FBLN1: variants seen among roughly 807,000 people sequenced by gnomAD.
The protein encoded by FBLN1 is fibulin 1.
Under a neutral mutation model 89.7 loss-of-function variants are expected in FBLN1, and 34 were observed. That is an observed-to-expected ratio of 0.38 (90% CI 0.29 to 0.50). FBLN1 has a LOEUF of 0.50. FBLN1 is among the 20% of genes least tolerant of loss of function. FBLN1 has a pLI of 0.92. For synonymous variants in FBLN1, 393 were observed against 391.3 expected, an observed-to-expected ratio of 1.00 and a Z score of -0.05; for missense variants, 777 against 988.1, an observed-to-expected ratio of 0.79 and a Z score of 2.86.
chr22:45,528,635 G>A (rs1462125717), intron 4 of FBLN1, among the ~76,000 whole-genome samples: 1 of 152,132 alleles, frequency 6.6e-6, no homozygotes, highest in East Asian at 1.9e-4. Context: ...GTGAGCCATC[G>A]TGCCTGGCCA....
At chr22:45,570,350 G>GAAAAAAAAAAAAAAAAAAAAAAAA (rs2088942165) in intron 14 of FBLN1, among the ~76,000 whole-genome samples, 2 of 69,218 alleles carry the variant, frequency 2.9e-5, no homozygotes, top group Non-Finnish European at 5.7e-5. Flanking sequence ...GAAAAGAAAA[G>GAAAAAAAAAAAAAAAAAAAAAAAA]AAAAGAAAAA....
Position 45,557,369 on chromosome 22 carries a change from A to G in FBLN1, c.1697+6754A>G, listed in dbSNP as rs11912454. 0.036 allele frequency among the ~76,000 whole-genome samples: 5,520 copies of G among 152,284 alleles called. 336 individuals are homozygous for G. The highest frequency in any genetic ancestry group is 0.13 in the African/African-American group (5,239 of 41,528). ...ATTTCCATGATGGAAGAGGTCCAGT[A>G]TAATCAACCTGCCACCAGGTAGCTG... On this transcript the variant is annotated intron_variant, in intron 14 of 16. Transcript: ENST00000327858. The surrounding 1 kb of genome is among the most constrained non-coding windows in gnomAD (Gnocchi z 4.9).
At chr22:45,592,079 G>T (rs1458421101) in intron 16 of FBLN1, among the ~76,000 whole-genome samples, 1 of 152,210 alleles carries the variant, frequency 6.6e-6, no homozygotes, top group East Asian at 1.9e-4. Context: ...GTCAGTCCCC[G>T]CTGGACGGAA....
rs2088584871 is a variant in FBLN1, at chr22:45,543,462, G to A, written c.1257G>A (p.Leu419=). 2 of 1,613,840 alleles carry A rather than the reference G, an allele frequency of 1.2e-6. No homozygotes were observed. Among genetic ancestry groups the A allele is most frequent in the Non-Finnish European group, 1.7e-6 (2 of 1,180,006 alleles). Residue 419 remains leucine (L), a synonymous_variant, in exon 11 of 17, where the codon CTG becomes CTA. Transcript: ENST00000327858. ...GTGGCCACAAGTGCGAGAACACGCT[G>A]GGCTCCTACCTCTGCAGCTGTTCCG... ...RLCGHKCENT[L]GSYLCSCSVG...
Position 45,572,454 on chromosome 22 carries a change from G to C in FBLN1, c.1698-2057G>C, listed in dbSNP as rs575977058. ...TTTTTTTTTCCCCAAAAATCCTTTG[G>C]AGAATGATAGCACACTAGTTAGCTT... On this transcript the variant is annotated intron_variant, in intron 14 of 16. Coordinates refer to ENST00000327858, the MANE Select transcript of FBLN1 (RefSeq NM_006486.3). The surrounding 1 kb of genome is among the most constrained non-coding windows in gnomAD (Gnocchi z 5.8). Among the ~76,000 whole-genome samples the C allele has an allele frequency of 4.0e-3, 609 of 152,282 alleles. 4 individuals are homozygous for C. The highest frequency in any genetic ancestry group is 0.014 in the African/African-American group (593 of 41,550).
intron 14 of FBLN1, chr22:45,565,141 C>T (rs751388805): frequency 1.5e-5 from 23 of 1,579,470 alleles, no homozygotes; most frequent in African/African-American, 2.7e-5. Context: ...GCACCAGCCT[C>T]GAGTCTCCCA....
intron 14 of FBLN1, among the ~76,000 whole-genome samples, chr22:45,552,253 A>G (rs560601386): frequency 6.6e-6 from 1 of 152,236 alleles, no homozygotes; most frequent in African/African-American, 2.4e-5. Flanking sequence ...GGAGTGGGCC[A>G]TGCCTGCATG....
In FBLN1 at chr22:45,562,370, G is replaced by A. The variant is rs111596017; in HGVS notation, c.1697+11755G>A. On this transcript the variant is annotated intron_variant, in intron 14 of 16. Transcript: ENST00000327858. This position sits in a 1 kb window ranked among gnomAD's most constrained non-coding sequence, Gnocchi z 7.8. ...AGTGGGAAGGCCACATTCTCTCTGA[G>A]CCTCAGTGTCCTCATGTGAAAAATA... 1.3e-5 allele frequency among the ~76,000 whole-genome samples: 2 copies of A among 152,240 alleles called. No homozygotes were observed. Among genetic ancestry groups the A allele is most frequent in the Admixed American group, 6.5e-5 (1 of 15,290 alleles).
intron 14 of FBLN1, chr22:45,565,262 A>G: frequency 7.4e-7 from 1 of 1,360,292 alleles, no homozygotes. Context: ...TTCCCAGCAG[A>G]TGAAGCATAG....
At position 45,562,866 on chromosome 22, in the gene FBLN1, A is replaced by T. The variant is rs765582573; in HGVS notation, c.1698-11645A>T. 1.8e-5 allele frequency: 29 copies of T among 1,581,370 alleles called. No individual in the cohort carries two copies. The South Asian group carries it at 3.1e-4, about 17-fold the overall frequency. On this transcript the variant is annotated intron_variant, in intron 14 of 16. Transcript: ENST00000327858. The surrounding 1 kb of genome is among the most constrained non-coding windows in gnomAD (Gnocchi z 7.8). ...GCTCTGCCGTTTCTCCGCTTGCTGG[A>T]CCGGCCCTAACCCTCTTCTTGTCTC...
intron 14 of FBLN1, among the ~76,000 whole-genome samples, chr22:45,555,248 C>CATATATATATATATAT (rs71779159): frequency 2.7e-4 from 36 of 135,096 alleles, no homozygotes; most frequent in East Asian, 2.4e-3. Flanking sequence ...ATGGAATATA[C>CATATATATATATATAT]ATATATATAT....
chr22:45,567,790 C>G (rs2088911851), intron 14 of FBLN1, among the ~76,000 whole-genome samples: 2 of 152,092 alleles, frequency 1.3e-5, no homozygotes, highest in African/African-American at 2.4e-5. Context: ...TTCAGGCCCA[C>G]CTGCATGACT....
At chr22:45,525,821 G>A in intron 3 of FBLN1, 143 bp downstream of exon 3, 1 of 1,132,152 alleles carries the variant, frequency 8.8e-7, no homozygotes, top group South Asian at 1.4e-5. Flanking sequence ...TCCTGGGCCA[G>A]GAGGGAGGTG....
chr22:45,598,454 GT>G (rs2089204396), intron 16 of FBLN1, among the ~76,000 whole-genome samples: 1 of 152,218 alleles, frequency 6.6e-6, no homozygotes, highest in Non-Finnish European at 1.5e-5. Context: ...ATTCATAAAT[GT>G]CAGCACCCAT....
rs1027278921 is a variant in FBLN1 at position 45,527,908 on chromosome 22, A to G, written c.383A>G (p.Tyr128Cys). The G allele has an allele frequency of 1.2e-6, 2 of 1,614,198 alleles. No individual in the cohort carries two copies. The highest frequency in any genetic ancestry group is 1.7e-6 in the Non-Finnish European group (2 of 1,180,040). The change falls in exon 4 of 17, where the codon TAC becomes TGC. Residue 128 changes from tyrosine to cysteine, a missense_variant. Physicochemically the swap from Tyr to Cys is radical, Grantham distance 194. Coordinates refer to ENST00000327858, the MANE Select transcript of FBLN1 (RefSeq NM_006486.3). ...CAGGCCCAGGGCCAGAGCTGCGAGT[A>G]CAGCCTCATGGTTGGCTACCAGTGT... is the stretch of plus-strand genomic sequence containing the variant. ...AAQAQGQSCE[Y>C]SLMVGYQCGQ...
In FBLN1 at chr22:45,545,411, C is replaced by T. The variant is rs1046943559; in HGVS notation, c.1322-1674C>T. Among the ~76,000 whole-genome samples the T allele has an allele frequency of 6.6e-6, 1 of 152,168 alleles. No individual in the cohort carries two copies. The highest frequency in any genetic ancestry group is 2.4e-5 in the African/African-American group (1 of 41,442). ...GGCCAAGCACAGGATGAAGAGCTGG[C>T]GGTGTGGAGGCTGCTGGCTTTATTA... On this transcript the variant is annotated intron_variant, in intron 11 of 16. Coordinates refer to ENST00000327858, the MANE Select transcript of FBLN1 (RefSeq NM_006486.3). This position sits in a 1 kb window ranked among gnomAD's most constrained non-coding sequence, Gnocchi z 5.9.
At position 45,597,998 on chromosome 22, in the gene FBLN1, C is replaced by G. The variant is rs118000970; in HGVS notation, c.1973-2309C>G. 6.6e-6 allele frequency among the ~76,000 whole-genome samples: 1 copy of G among 152,326 alleles called. No individual in the cohort carries two copies. The highest frequency in any genetic ancestry group is 1.5e-5 in the Non-Finnish European group (1 of 68,022). On this transcript the variant is annotated intron_variant, in intron 16 of 16. Coordinates refer to ENST00000327858, the MANE Select transcript of FBLN1 (RefSeq NM_006486.3). This position sits in a 1 kb window ranked among gnomAD's most constrained non-coding sequence, Gnocchi z 4.2. ...GCCTTCCTGACCCCTCAGTTCTCCC[C>G]TGAGCCTTTGCTGTGTCCTGGGCAC...
chr22:45,564,994 G>C, intron 14 of FBLN1: 1 of 1,613,770 alleles, frequency 6.2e-7, no homozygotes, highest in South Asian at 1.1e-5. Flanking sequence ...GATGCCTAGT[G>C]AGGAAGATGG....
intron 3 of FBLN1, among the ~76,000 whole-genome samples, chr22:45,526,191 T>C (rs958677407): frequency 9.2e-5 from 14 of 152,166 alleles, no homozygotes; most frequent in Non-Finnish European, 1.8e-4. Flanking sequence ...GCCTCCAAAA[T>C]GGCCTCTCTG....
Sources: gnomAD v4.1 joint callset for allele counts (sites outside exome capture counted in the v4.1 genomes callset) on GRCh38, gnomAD v4.1.1 for gene constraint, Gnocchi (gnomAD v3.1) non-coding constraint, MANE v1.5 for transcripts, NCBI Gene and HGNC (gene_info 2026-07-23, HGNC 2026-07-21) for gene names.